Variants in GRM7 observed in about 807,000 individuals in gnomAD.
GRM7 encodes the protein metabotropic glutamate receptor 7.
In GRM7, 35 loss-of-function variants were observed where a neutral mutation model predicts 84.5. The ratio of observed to expected loss-of-function variants is 0.41; its 90% CI spans 0.32 to 0.55. The LOEUF is 0.55. Among genes scored for constraint, GRM7 ranks in the 20% least tolerant of loss-of-function variants. The pLI is 0.19. For missense variants in GRM7, 1,003 were observed against 1,194.6 expected, an observed-to-expected ratio of 0.84 and a Z score of 2.36; for synonymous variants, 487 against 455.1, an observed-to-expected ratio of 1.07 and a Z score of -0.89.
intron 4 of GRM7, among the ~76,000 whole-genome samples, chr3:7,343,679 CTT>C (rs1160889756): frequency 4.6e-5 from 7 of 152,144 alleles, no homozygotes; most frequent in Admixed American, 4.6e-4. Context: ...TGTTTTTTAA[CTT>C]TGCAACACAA....
intron 7 of GRM7, among the ~76,000 whole-genome samples, chr3:7,490,396 G>A (rs887398678): frequency 2.4e-4 from 36 of 152,156 alleles, no homozygotes; most frequent in African/African-American, 7.7e-4. Flanking sequence ...ACCTCCCCCC[G>A]GGGCATACAT....
At chr3:7,291,412 G>C (rs1168698178) in intron 2 of GRM7, among the ~76,000 whole-genome samples, 1 of 151,902 alleles carries the variant, frequency 6.6e-6, no homozygotes, top group Non-Finnish European at 1.5e-5. Context: ...TCCTTTTGCT[G>C]TGGCCTAGTG....
intron 4 of GRM7, among the ~76,000 whole-genome samples, chr3:7,316,012 C>T (rs1700568900): frequency 6.6e-6 from 1 of 152,118 alleles, no homozygotes; most frequent in Non-Finnish European, 1.5e-5. Context: ...AAGATACTCT[C>T]ATCAAGATGT....
At chr3:7,436,464 A>G (rs1213600627) in intron 5 of GRM7, among the ~76,000 whole-genome samples, 1 of 144,162 alleles carries the variant, frequency 6.9e-6, no homozygotes, top group African/African-American at 2.5e-5. Flanking sequence ...TAGGACATAG[A>G]AAAACATGTC....
chr3:7,254,534 C>A (rs887885279), intron 2 of GRM7, among the ~76,000 whole-genome samples: 1 of 152,174 alleles, frequency 6.6e-6, no homozygotes, highest in African/African-American at 2.4e-5. Flanking sequence ...GGGTCTCTGT[C>A]GTAATTACCC....
At chr3:7,738,698 A>C (rs1181952120) in intron 9 of GRM7, among the ~76,000 whole-genome samples, 4 of 151,394 alleles carry the variant, frequency 2.6e-5, no homozygotes, top group African/African-American at 9.7e-5. Context: ...TCAGGTATTT[A>C]GGTCAGTACA....
chr3:7,382,903 A>G (rs1694645400), intron 4 of GRM7, among the ~76,000 whole-genome samples: 1 of 152,216 alleles, frequency 6.6e-6, no homozygotes, highest in Non-Finnish European at 1.5e-5. Flanking sequence ...ATCTCATTTC[A>G]CACATACTTT....
At chr3:7,362,169 T>G (rs1470155385) in intron 4 of GRM7, among the ~76,000 whole-genome samples, 1 of 152,124 alleles carries the variant, frequency 6.6e-6, no homozygotes, top group Non-Finnish European at 1.5e-5. Flanking sequence ...AATAGTCATT[T>G]TTTTAGTCAT....
intron 7 of GRM7, among the ~76,000 whole-genome samples, chr3:7,498,901 A>G (rs1699792275): frequency 6.6e-6 from 1 of 152,232 alleles, no homozygotes; most frequent in Admixed American, 6.5e-5. Context: ...GGGTGAATGC[A>G]GAGTCATCTG....
At chr3:7,244,985 A>T (rs1034578531) in intron 2 of GRM7, among the ~76,000 whole-genome samples, 2 of 152,042 alleles carry the variant, frequency 1.3e-5, no homozygotes, top group African/African-American at 4.8e-5. Context: ...AAAACAACTT[A>T]AAAATGACTA....
At chr3:7,341,359 A>G (rs1692616518) in intron 4 of GRM7, among the ~76,000 whole-genome samples, 1 of 143,428 alleles carries the variant, frequency 7.0e-6, no homozygotes, top group South Asian at 2.1e-4. Flanking sequence ...AAATAACGGT[A>G]AAATTCAACT....
chr3:6,984,488 AT>A (rs759055841), intron 1 of GRM7, among the ~76,000 whole-genome samples: 43 of 152,040 alleles, frequency 2.8e-4, no homozygotes, highest in African/African-American at 7.0e-4. Context: ...TGTGTTATCT[AT>A]TTTTTTTCAA....
At chr3:7,686,416 C>T (rs751267509) in intron 9 of GRM7, 1 of 1,547,440 alleles carries the variant, frequency 6.5e-7, no homozygotes, top group Non-Finnish European at 8.9e-7. Context: ...CACTATCCCA[C>T]CAACAGTATA....
chr3:7,504,372 A>G (rs1699976582), intron 7 of GRM7, among the ~76,000 whole-genome samples: 1 of 152,208 alleles, frequency 6.6e-6, no homozygotes, highest in Non-Finnish European at 1.5e-5. Context: ...CTCTTTAGAT[A>G]GATCTGAGCT....
rs71307753 is a variant in GRM7, at chr3:7,022,367, G to GCACACACACACACACACACACA, written c.520-124066_520-124065insACACACACACACACACACACAC. On this transcript the variant is annotated intron_variant, in intron 1 of 9. Coordinates refer to ENST00000357716, the MANE Select transcript of GRM7 (RefSeq NM_000844.4). ...AAAATATATATATATACACACACATGCACACACACACACACACACCAGTGG... is the reference window on the plus strand; with the variant it reads ...AAAATATATATATATACACACACATGCACACACACACACACACACACACACACACACACACACACACCAGTGG... 7.4e-3 allele frequency among the ~76,000 whole-genome samples: 1,083 copies of GCACACACACACACACACACACA among 145,708 alleles called. 15 individuals carry two copies. Among genetic ancestry groups the GCACACACACACACACACACACA allele is most frequent in the African/African-American group, 0.025 (989 of 39,014 alleles).
chr3:7,365,569 A>G (rs974347430), intron 4 of GRM7, among the ~76,000 whole-genome samples: 18 of 150,348 alleles, frequency 1.2e-4, no homozygotes, highest in South Asian at 1.0e-3. Flanking sequence ...TGTCATTTCA[A>G]TAATCAACTT....
rs1319075426 is a variant in GRM7 at position 7,182,169 on chromosome 3, G to A, written c.736+35501G>A. 5.3e-5 allele frequency among the ~76,000 whole-genome samples: 8 copies of A among 151,854 alleles called. No homozygotes were observed. In the East Asian group the frequency reaches 1.5e-3, roughly 29 times the overall value. ...TACCTACCTTCAACATTCAAGTTCA[G>A]AGAATTATGCAGCTTATTAAAAAAA... On this transcript the variant is annotated intron_variant, in intron 2 of 9. Coordinates refer to ENST00000357716, the MANE Select transcript of GRM7 (RefSeq NM_000844.4).
chr3:7,178,222 T>C (rs9874759), intron 2 of GRM7, among the ~76,000 whole-genome samples: 16,329 of 152,200 alleles, frequency 0.11, 2,652 homozygotes, highest in African/African-American at 0.36. Context: ...ATTAAATTAC[T>C]CTGAAAGTAA....
chr3:7,648,423 G>T (rs1194316582), intron 8 of GRM7, among the ~76,000 whole-genome samples: 2 of 151,896 alleles, frequency 1.3e-5, no homozygotes, highest in Non-Finnish European at 2.9e-5. Flanking sequence ...GAGGCGGGCG[G>T]ATCACCTGAG....
Sources: allele counts gnomAD v4.1 joint callset (sites outside exome capture counted in the v4.1 genomes callset), GRCh38; gene constraint gnomAD v4.1.1; transcripts MANE v1.5; gene names NCBI Gene and HGNC (gene_info 2026-07-23, HGNC 2026-07-21).